The following DGKG variants were observed in gnomAD, a reference collection of about 807,000 sequenced individuals.
The protein encoded by DGKG is diacylglycerol kinase gamma.
In DGKG, 78 loss-of-function variants were observed where a neutral mutation model predicts 105.3. The observed-to-expected ratio is 0.74, with a 90% CI of 0.62 to 0.89. The LOEUF (loss-of-function observed/expected upper bound fraction) is 0.89. Ranked by LOEUF, DGKG falls within the 40% of genes least tolerant of loss-of-function variation. The pLI, the probability that DGKG is intolerant of heterozygous loss-of-function variation, is 0.00. For missense variants in DGKG, 958 were observed against 1,020.1 expected, an observed-to-expected ratio of 0.94 and a Z score of 0.83; for synonymous variants, 346 against 367.1, an observed-to-expected ratio of 0.94 and a Z score of 0.66.
rs113204736 is a variant in DGKG, at chr3:186,284,605, C to G, written c.594+55G>C. Reference sequence around the variant, plus strand: ...TTTCAGATTCTTCCTCTGCTTGCTCCCTGCTCCCCCAGCCTTTCTCAGGTC... The same window carrying G: ...TTTCAGATTCTTCCTCTGCTTGCTCGCTGCTCCCCCAGCCTTTCTCAGGTC... On this transcript the variant is annotated intron_variant, in intron 7 of 24. Coordinates refer to ENST00000265022, the MANE Select transcript of DGKG (RefSeq NM_001346.3). This position sits in a 1 kb window ranked among gnomAD's most constrained non-coding sequence, Gnocchi z 4.0. The G allele has an allele frequency of 9.5e-4, 1,370 of 1,448,354 alleles. 19 individuals are homozygous for G. In the African/African-American group the frequency reaches 0.017, roughly 18 times the overall value. 89.7% of individuals were successfully genotyped at this position (1,448,354 alleles called of 1,614,324 possible).
intron 23 of DGKG, among the ~76,000 whole-genome samples, chr3:186,163,879 G>T (rs1419505101): frequency 6.6e-6 from 1 of 152,082 alleles, no homozygotes; most frequent in African/African-American, 2.4e-5. Flanking sequence ...AATTAATCTG[G>T]AAAACAGGGA....
At chr3:186,354,481 A>G (rs1726809887) in intron 1 of DGKG, among the ~76,000 whole-genome samples, 1 of 152,198 alleles carries the variant, frequency 6.6e-6, no homozygotes, top group Non-Finnish European at 1.5e-5. Context: ...AACACACAGA[A>G]AGGAGTGATG....
chr3:186,204,219 G>T (rs1241432242), intron 21 of DGKG, among the ~76,000 whole-genome samples: 6 of 152,102 alleles, frequency 3.9e-5, no homozygotes, highest in Admixed American at 3.3e-4. Context: ...GATCAGCCTG[G>T]CCAACATGGT....
chr3:186,260,719 G>A (rs1204453244), intron 15 of DGKG, among the ~76,000 whole-genome samples: 1 of 152,182 alleles, frequency 6.6e-6, no homozygotes, highest in Non-Finnish European at 1.5e-5. Flanking sequence ...CCCGGTTCAA[G>A]GCTGAACTAC....
chr3:186,217,368 T>C (rs1255737172), intron 20 of DGKG, among the ~76,000 whole-genome samples: 1 of 152,078 alleles, frequency 6.6e-6, no homozygotes, highest in Non-Finnish European at 1.5e-5. Context: ...ACTCCTAGGT[T>C]CATTGTCAGG....
At chr3:186,303,470 A>G (rs1039478228) in intron 3 of DGKG, among the ~76,000 whole-genome samples, 1 of 152,214 alleles carries the variant, frequency 6.6e-6, no homozygotes, top group African/African-American at 2.4e-5. Context: ...CCTTACACAG[A>G]CCAAGAAGAG....
At position 186,253,099 on chromosome 3, in the gene DGKG, C is replaced by A. The variant is rs1221924939; in HGVS notation, c.1594G>T (p.Gly532Ter). Residue 532 changes from glycine (G) to a stop codon, truncating the protein, a stop_gained, in exon 18 of 25, where the codon GGA becomes TGA. Coordinates refer to ENST00000265022, the MANE Select transcript of DGKG (RefSeq NM_001346.3). LOFTEE classifies it high-confidence loss of function. ...CATTAGCATGCAAACTCACCTCCTC[C>A]CCAGCGGAGACAACGGGCAAGGTCA... ...GNDLARCLRW[G>*]GGYEGGSLTK... The A allele has an allele frequency of 2.5e-6, 4 of 1,614,036 alleles. No individual in the cohort carries two copies. In the Admixed American group the frequency reaches 6.7e-5, roughly 27 times the overall value.
chr3:186,223,435 G>T (rs1719697965), intron 20 of DGKG, among the ~76,000 whole-genome samples: 1 of 152,074 alleles, frequency 6.6e-6, no homozygotes, highest in Non-Finnish European at 1.5e-5. Context: ...CCCACCATCG[G>T]CTGGTTAGAG....
At chr3:186,174,838 C>T (rs982618676) in intron 22 of DGKG, among the ~76,000 whole-genome samples, 4 of 152,258 alleles carry the variant, frequency 2.6e-5, no homozygotes, top group African/African-American at 7.2e-5. Context: ...TTGTGCCATG[C>T]CCTTGCCACA....
chr3:186,353,565 GTATA>G (rs66460527), intron 1 of DGKG, among the ~76,000 whole-genome samples: 19,029 of 116,896 alleles, frequency 0.16, 1,313 homozygotes, highest in African/African-American at 0.23. Flanking sequence ...TTTTATGTAT[GTATA>G]TATATATATA....
intron 5 of DGKG, among the ~76,000 whole-genome samples, chr3:186,295,768 G>A (rs1176455441): frequency 8.6e-5 from 13 of 151,878 alleles, no homozygotes; most frequent in South Asian, 8.3e-4. Flanking sequence ...GACACACTTG[G>A]AGACTGAGGT....
intron 6 of DGKG, among the ~76,000 whole-genome samples, chr3:186,286,791 TG>T (rs1225550835): frequency 2.6e-5 from 4 of 152,082 alleles, no homozygotes; most frequent in Non-Finnish European, 4.4e-5. Context: ...CCCAGCAATT[TG>T]GGAGGCCAAG....
rs957026567 is a variant in DGKG at position 186,331,882 on chromosome 3, A to G, written c.-248-11175T>C. Among the ~76,000 whole-genome samples, 10 of 152,350 alleles carry G rather than the reference A, an allele frequency of 6.6e-5. No individual in the cohort carries two copies. The South Asian group carries it at 1.7e-3, about 25-fold the overall frequency. On this transcript the variant is annotated intron_variant, in intron 1 of 24. Coordinates refer to ENST00000265022, the MANE Select transcript of DGKG (RefSeq NM_001346.3). ...TTGCGCTTTGCAAACTTCATCTGTA[A>G]TAGTCACCAAACCCTGTGAGGAACG...
chr3:186,214,551 T>C (rs898099483), intron 20 of DGKG, among the ~76,000 whole-genome samples: 13 of 152,342 alleles, frequency 8.5e-5, no homozygotes, highest in African/African-American at 2.9e-4. Flanking sequence ...ATCATATTTA[T>C]TAAATTATGT....
intron 20 of DGKG, among the ~76,000 whole-genome samples, chr3:186,230,626 C>T (rs937208729): frequency 6.6e-6 from 1 of 152,032 alleles, no homozygotes; most frequent in Non-Finnish European, 1.5e-5. Context: ...AAACGTGTCC[C>T]AGGGAGACTA....
intron 19 of DGKG, among the ~76,000 whole-genome samples, chr3:186,249,119 C>A (rs1015860038): frequency 3.9e-5 from 6 of 151,980 alleles, no homozygotes; most frequent in African/African-American, 1.4e-4. Flanking sequence ...AGGAGAGGGG[C>A]CTTTGAGCAC....
At chr3:186,320,056 C>T (rs1725006021) in intron 2 of DGKG, among the ~76,000 whole-genome samples, 1 of 152,104 alleles carries the variant, frequency 6.6e-6, no homozygotes, top group East Asian at 1.9e-4. Context: ...GCAGGCTTAA[C>T]GCAGGGTGTA....
chr3:186,252,979 T>C, intron 18 of DGKG, 114 bp downstream of exon 18: 1 of 845,180 alleles, frequency 1.2e-6, no homozygotes, highest in Middle Eastern at 3.0e-4. Context: ...CAGAGTTGAG[T>C]ATTATGCTGC....
chr3:186,356,641 T>C (rs532338712), intron 1 of DGKG, among the ~76,000 whole-genome samples: 12 of 152,174 alleles, frequency 7.9e-5, no homozygotes, highest in Admixed American at 1.3e-4. Context: ...AATTTTGCAC[T>C]TTATTCTTTA....
Sources: allele counts gnomAD v4.1 joint callset (sites outside exome capture counted in the v4.1 genomes callset), GRCh38; gene constraint gnomAD v4.1.1; non-coding constraint Gnocchi (gnomAD v3.1); transcripts MANE v1.5; gene names NCBI Gene and HGNC (gene_info 2026-07-23, HGNC 2026-07-21).